Variants in GRM7 observed in about 807,000 individuals in gnomAD.
GRM7 encodes the protein metabotropic glutamate receptor 7.
A neutral mutation model predicts 84.5 loss-of-function variants in GRM7; 35 were observed. That is an observed-to-expected ratio of 0.41 (90% CI 0.32 to 0.55). The LOEUF is 0.55. GRM7 is among the 20% of genes least tolerant of loss of function. GRM7 has a pLI of 0.19. For missense variants in GRM7, 1,003 were observed against 1,194.6 expected, an observed-to-expected ratio of 0.84 and a Z score of 2.36; for synonymous variants, 487 against 455.1, an observed-to-expected ratio of 1.07 and a Z score of -0.89.
At chr3:7,233,268 A>G (rs1304096946) in intron 2 of GRM7, among the ~76,000 whole-genome samples, 1 of 152,196 alleles carries the variant, frequency 6.6e-6, no homozygotes, top group Non-Finnish European at 1.5e-5. Flanking sequence ...GCTTTCCAAG[A>G]TAAGATTTGT....
chr3:7,116,640 G>T (rs971614322), intron 1 of GRM7, among the ~76,000 whole-genome samples: 1 of 152,112 alleles, frequency 6.6e-6, no homozygotes, highest in Non-Finnish European at 1.5e-5. Flanking sequence ...ATAAATTACT[G>T]GAGTGGTACC....
chr3:7,458,988 C>T (rs753766436), intron 6 of GRM7, among the ~76,000 whole-genome samples: 4 of 152,102 alleles, frequency 2.6e-5, no homozygotes, highest in African/African-American at 9.7e-5. Context: ...TATTAAAAAT[C>T]TTTTGTTGTT....
intron 1 of GRM7, among the ~76,000 whole-genome samples, chr3:7,102,235 C>A (rs1223671897): frequency 6.6e-6 from 1 of 151,660 alleles, no homozygotes; most frequent in Non-Finnish European, 1.5e-5. Flanking sequence ...TATTATTTGT[C>A]TGATGATATT....
At position 6,901,604 on chromosome 3, in the gene GRM7, T is replaced by TA. The variant is rs33945077; in HGVS notation, c.519+39730dup. Among the ~76,000 whole-genome samples, 257 of 40,490 alleles carry TA rather than the reference T, an allele frequency of 6.3e-3. 18 individuals carry two copies. Among genetic ancestry groups the TA allele is most frequent in the East Asian group, 0.016 (7 of 444 alleles). The allele number at this position is 40,490 out of a possible 152,430, so 26.6% of individuals were successfully genotyped here. On this transcript the variant is annotated intron_variant, in intron 1 of 9. Coordinates refer to ENST00000357716, the MANE Select transcript of GRM7 (RefSeq NM_000844.4). ...CCTGGTGACAGAGCAAGACTCCGTCTAAAAAAAAAAAAAAAAAAAAAAAAA... is the reference window on the plus strand; with the variant it reads ...CCTGGTGACAGAGCAAGACTCCGTCTAAAAAAAAAAAAAAAAAAAAAAAAAA...
intron 8 of GRM7, among the ~76,000 whole-genome samples, chr3:7,612,582 A>G (rs1315435021): frequency 1.3e-5 from 2 of 152,172 alleles, no homozygotes; most frequent in Non-Finnish European, 2.9e-5. Flanking sequence ...TAAGGAAGCT[A>G]AAGAGACCTA....
intron 8 of GRM7, among the ~76,000 whole-genome samples, chr3:7,609,079 TG>T (rs1267345316): frequency 2.6e-5 from 4 of 152,316 alleles, no homozygotes; most frequent in African/African-American, 9.6e-5. Context: ...TCTATGTGCC[TG>T]TTTTTGTACC....
chr3:7,130,945 A>C (rs529692338), intron 1 of GRM7, among the ~76,000 whole-genome samples: 44 of 152,306 alleles, frequency 2.9e-4, no homozygotes, highest in African/African-American at 1.1e-3. Context: ...TCACTCACAC[A>C]CACACACACA....
At chr3:7,539,273 A>G (rs546228952) in intron 7 of GRM7, among the ~76,000 whole-genome samples, 2 of 152,296 alleles carry the variant, frequency 1.3e-5, no homozygotes, top group African/African-American at 4.8e-5. Context: ...AGTTTCTTAA[A>G]AAATGTCACG....
At chr3:7,329,987 A>C (rs966413232) in intron 4 of GRM7, among the ~76,000 whole-genome samples, 1 of 152,150 alleles carries the variant, frequency 6.6e-6, no homozygotes, top group Non-Finnish European at 1.5e-5. Context: ...GTCACTCAAT[A>C]GTATGATTTG....
chr3:7,691,122 C>G (rs1173855169), intron 9 of GRM7: 1 of 462,360 alleles, frequency 2.2e-6, no homozygotes, highest in Admixed American at 2.5e-5. Context: ...CATTATTTCT[C>G]TCTATGATCT....
chr3:7,734,249 G>GC (rs1192253685), intron 9 of GRM7, among the ~76,000 whole-genome samples: 1 of 115,138 alleles, frequency 8.7e-6, no homozygotes, highest in Non-Finnish European at 1.7e-5. Flanking sequence ...GGCAGGGGCG[G>GC]GGGGGGGGTT....
At chr3:7,572,654 C>CA (rs1007070114) in intron 7 of GRM7, among the ~76,000 whole-genome samples, 3 of 149,170 alleles carry the variant, frequency 2.0e-5, no homozygotes, top group South Asian at 2.2e-4. Flanking sequence ...CCCATCTCTA[C>CA]AAAAAAAATA....
chr3:7,713,124 G>T (rs7631499), intron 9 of GRM7, among the ~76,000 whole-genome samples: 9,362 of 96,980 alleles, frequency 0.097, 527 homozygotes, highest in African/African-American at 0.16. Flanking sequence ...ATTTTGTTTT[G>T]TTTTTTTTTT....
At chr3:7,599,431 A>G (rs1241467105) in intron 8 of GRM7, among the ~76,000 whole-genome samples, 1 of 152,184 alleles carries the variant, frequency 6.6e-6, no homozygotes, top group African/African-American at 2.4e-5. Flanking sequence ...TTTAAGCTTT[A>G]GTCCCTGTAT....
At chr3:7,306,338 A>G (rs1700193429) in intron 3 of GRM7, among the ~76,000 whole-genome samples, 160 bp from the exon 4 acceptor site, 2 of 152,322 alleles carry the variant, frequency 1.3e-5, no homozygotes, top group South Asian at 4.1e-4. Flanking sequence ...GGTTTACAAA[A>G]TATCTTTATA....
intron 1 of GRM7, among the ~76,000 whole-genome samples, chr3:7,113,607 G>A (rs1170171361): frequency 6.6e-6 from 1 of 152,044 alleles, no homozygotes; most frequent in Non-Finnish European, 1.5e-5. Context: ...CACTCTTGGT[G>A]TTGCCCATTC....
chr3:7,150,086 T>TGTGTGA (rs61457102), intron 2 of GRM7, among the ~76,000 whole-genome samples: 4 of 149,848 alleles, frequency 2.7e-5, no homozygotes, highest in Admixed American at 1.3e-4. Flanking sequence ...TGTGTGTGTG[T>TGTGTGA]GAGAGAGAGA....
intron 1 of GRM7, among the ~76,000 whole-genome samples, chr3:6,891,308 A>G (rs1233195431): frequency 6.6e-6 from 1 of 152,128 alleles, no homozygotes; most frequent in African/African-American, 2.4e-5. Flanking sequence ...TCATTAGTTG[A>G]TGCAGTTTCT....
intron 1 of GRM7, among the ~76,000 whole-genome samples, chr3:6,912,336 T>C (rs540912309): frequency 3.4e-4 from 51 of 152,190 alleles, no homozygotes; most frequent in Non-Finnish European, 6.5e-4. Context: ...GAAGAATTTT[T>C]AAACTTCATT....
Sources: allele counts gnomAD v4.1 joint callset (sites outside exome capture counted in the v4.1 genomes callset), GRCh38; gene constraint gnomAD v4.1.1; transcripts MANE v1.5; gene names NCBI Gene and HGNC (gene_info 2026-07-23, HGNC 2026-07-21).